PTPRN2: variants seen among roughly 807,000 people sequenced by gnomAD.
PTPRN2 encodes receptor-type tyrosine-protein phosphatase N2.
A neutral mutation model predicts 118.8 loss-of-function variants in PTPRN2; 74 were observed. That is an observed-to-expected ratio of 0.62 (90% CI 0.52 to 0.76). The LOEUF (loss-of-function observed/expected upper bound fraction) is 0.76, where lower values mean the gene tolerates loss of function less well. Ranked by LOEUF, PTPRN2 falls within the 30% of genes least tolerant of loss-of-function variation. The probability of loss-of-function intolerance (pLI) is 0.00; values close to 1 mark genes in which losing one functional copy is unlikely to be tolerated. For missense variants in PTPRN2, 1,481 were observed against 1,394.4 expected (o/e 1.06, Z -0.99); for synonymous variants, 641 against 608.0 (o/e 1.05, Z -0.80).
chr7:158,390,433 T>C (rs1811836182), intron 2 of PTPRN2, among the ~76,000 whole-genome samples: 1 of 152,240 alleles, frequency 6.6e-6, no homozygotes, highest in East Asian at 1.9e-4. Flanking sequence ...GACGGAGTTA[T>C]GAGGTGAGAC....
At chr7:158,474,961 G>A (rs1230909480) in intron 2 of PTPRN2, among the ~76,000 whole-genome samples, 1 of 152,300 alleles carries the variant, frequency 6.6e-6, no homozygotes, top group East Asian at 1.9e-4. Flanking sequence ...TGGCATTTGC[G>A]CCTCCTGGTG....
rs375953903 is a variant in PTPRN2, at chr7:158,032,663, A to C, written c.1723+48635T>G. On this transcript the variant is annotated intron_variant, in intron 11 of 22. Coordinates refer to ENST00000389418, the MANE Select transcript of PTPRN2 (RefSeq NM_002847.5). Reference sequence around the variant, plus strand: ...GTGAGCAGTGAATTCATACAACGCTAAATGCAGAGATTCTAAAATGGCTTA... The same window carrying C: ...GTGAGCAGTGAATTCATACAACGCTCAATGCAGAGATTCTAAAATGGCTTA... Among the ~76,000 whole-genome samples, 172 of 152,240 alleles carry C rather than the reference A, an allele frequency of 1.1e-3. 1 individual carries two copies. The highest frequency in any genetic ancestry group is 1.7e-3 in the Non-Finnish European group (117 of 68,024).
chr7:157,657,142 A>C lies in PTPRN2; in HGVS notation c.2002-591T>G, dbSNP rs1440363055. On this transcript the variant is annotated intron_variant, in intron 13 of 22. Transcript: ENST00000389418. ...TCACACATATACACACACATACGCC[A>C]CACACACACACCACACACATCACAT... is the stretch of plus-strand genomic sequence containing the variant. Among the ~76,000 whole-genome samples the C allele has an allele frequency of 4.0e-4, 49 of 123,194 alleles. 4 individuals carry two copies. The highest frequency in any genetic ancestry group is 1.3e-3 in the African/African-American group (43 of 31,964). The allele number at this position is 123,194 out of a possible 152,430, so 80.8% of individuals were successfully genotyped here. A position where few individuals can be genotyped will look rare whatever the true frequency, so the allele number is the denominator to read the frequency against.
chr7:157,766,897 T>C (rs1407557278), intron 12 of PTPRN2, among the ~76,000 whole-genome samples: 1 of 152,238 alleles, frequency 6.6e-6, no homozygotes, highest in African/African-American at 2.4e-5. Context: ...TCTGGGCTTA[T>C]GTCTCTGTCT....
chr7:158,053,083 T>C (rs1357266077), intron 11 of PTPRN2, among the ~76,000 whole-genome samples: 2 of 152,190 alleles, frequency 1.3e-5, no homozygotes, highest in East Asian at 3.9e-4. Context: ...ACAGTCTCTC[T>C]CAGTCCTGGG....
chr7:158,486,087 G>C (rs1315011184), intron 2 of PTPRN2, among the ~76,000 whole-genome samples: 4 of 152,248 alleles, frequency 2.6e-5, no homozygotes, highest in Non-Finnish European at 4.4e-5. Flanking sequence ...CCACTGCAGA[G>C]AGCAGCTTTG....
At chr7:157,852,756 C>T (rs775590388) in intron 12 of PTPRN2, among the ~76,000 whole-genome samples, 6 of 151,574 alleles carry the variant, frequency 4.0e-5, no homozygotes, top group Non-Finnish European at 8.8e-5. Context: ...GTAATCCCAG[C>T]TACTCGGGAG....
chr7:157,900,740 C>T (rs1038539728), intron 11 of PTPRN2, among the ~76,000 whole-genome samples: 5 of 152,220 alleles, frequency 3.3e-5, no homozygotes, highest in East Asian at 1.9e-4. Context: ...ATCCTCAGCA[C>T]GGCCCTCTGT....
Position 157,780,156 on chromosome 7 carries a change from G to A in PTPRN2, c.1789-97219C>T, listed in dbSNP as rs995206411. Reference sequence around the variant, plus strand: ...CTGTCTTTGTTTATGATCCCACCACGTATCTCTACTATTAAAGAATTAGCC... The same window carrying A: ...CTGTCTTTGTTTATGATCCCACCACATATCTCTACTATTAAAGAATTAGCC... On this transcript the variant is annotated intron_variant, in intron 12 of 22. Transcript: ENST00000389418. The surrounding 1 kb of genome is among the most constrained non-coding windows in gnomAD (Gnocchi z 4.5). Among the ~76,000 whole-genome samples, 27 of 152,110 alleles carry A rather than the reference G, an allele frequency of 1.8e-4. No individual in the cohort carries two copies. The highest frequency in any genetic ancestry group is 4.6e-4 in the African/African-American group (19 of 41,426).
At chr7:158,430,621 G>GAGACGC (rs1298605979) in intron 2 of PTPRN2, among the ~76,000 whole-genome samples, 2 of 152,250 alleles carry the variant, frequency 1.3e-5, no homozygotes. Flanking sequence ...TCCACCACAA[G>GAGACGC]AGACGCAGCA....
intron 12 of PTPRN2, among the ~76,000 whole-genome samples, chr7:157,687,081 A>G (rs1413980418): frequency 1.3e-5 from 2 of 151,962 alleles, no homozygotes; most frequent in Non-Finnish European, 2.9e-5. Context: ...CAATTTGTGG[A>G]GCTGTCTTAG....
At chr7:157,842,735 G>A (rs1808524732) in intron 12 of PTPRN2, among the ~76,000 whole-genome samples, 2 of 152,060 alleles carry the variant, frequency 1.3e-5, no homozygotes, top group Non-Finnish European at 2.9e-5. Flanking sequence ...CTGTGCCCCT[G>A]TCTCCGCCAC....
intron 12 of PTPRN2, among the ~76,000 whole-genome samples, chr7:157,803,531 C>A (rs1020700310): frequency 1.3e-5 from 2 of 152,176 alleles, no homozygotes; most frequent in Admixed American, 1.3e-4. Flanking sequence ...CATCATGCTT[C>A]CCCCGTGTTT....
intron 11 of PTPRN2, among the ~76,000 whole-genome samples, chr7:157,988,293 A>G (rs1395512605): frequency 2.0e-5 from 3 of 151,054 alleles, no homozygotes; most frequent in Non-Finnish European, 4.4e-5. Flanking sequence ...TTATCAGTGC[A>G]GTCTCTGTCT....
intron 7 of PTPRN2, 92 bp downstream of exon 7, chr7:158,138,202 T>C (rs1819015727): frequency 8.9e-7 from 1 of 1,126,458 alleles, no homozygotes; most frequent in Non-Finnish European, 1.3e-6. Context: ...AAGCCCACAT[T>C]GCACTTGGTG....
chr7:157,971,326 T>C (rs1176725079), intron 11 of PTPRN2, among the ~76,000 whole-genome samples: 3 of 152,164 alleles, frequency 2.0e-5, no homozygotes, highest in African/African-American at 7.2e-5. Flanking sequence ...GGAAGAAAAA[T>C]GAATCAGAAA....
At chr7:157,571,405 C>G in intron 20 of PTPRN2, 35 bp downstream of exon 20, 3 of 1,548,530 alleles carry the variant, frequency 1.9e-6, no homozygotes, top group Non-Finnish European at 2.7e-6. Flanking sequence ...TTTGAGGTAG[C>G]CAAAACTTCT....
At chr7:157,788,804 G>A (rs1298882430) in intron 12 of PTPRN2, among the ~76,000 whole-genome samples, 2 of 152,060 alleles carry the variant, frequency 1.3e-5, no homozygotes, top group Non-Finnish European at 2.9e-5. Flanking sequence ...CCAGCCCTCT[G>A]CCACACGTGA....
At chr7:158,326,131 G>A (rs182432578) in intron 2 of PTPRN2, among the ~76,000 whole-genome samples, 4 of 152,348 alleles carry the variant, frequency 2.6e-5, no homozygotes, top group Non-Finnish European at 4.4e-5. Context: ...CAGCCAGGGA[G>A]GGAGCACAGC....
Sources: allele counts gnomAD v4.1 joint callset (sites outside exome capture counted in the v4.1 genomes callset), GRCh38; gene constraint gnomAD v4.1.1; non-coding constraint Gnocchi (gnomAD v3.1); transcripts MANE v1.5; gene names NCBI Gene and HGNC (gene_info 2026-07-23, HGNC 2026-07-21).